FKBP5: variants seen among roughly 807,000 people sequenced by gnomAD.
The protein encoded by FKBP5 is FKBP prolyl isomerase 5, also known as peptidyl-prolyl cis-trans isomerase FKBP5.
FKBP5 carries 23 observed loss-of-function variants against 50.5 expected under a neutral mutation model. The observed-to-expected ratio is 0.46, with a 90% confidence interval of 0.33 to 0.65. The LOEUF (loss-of-function observed/expected upper bound fraction) is 0.65, where lower values mean the gene tolerates loss of function less well. FKBP5 is among the 30% of genes least tolerant of loss of function. The pLI, the probability that FKBP5 is intolerant of heterozygous loss-of-function variation, is 0.02. For synonymous variants in FKBP5, 176 were observed against 190.6 expected, an observed-to-expected ratio of 0.92 and a Z score of 0.63; for missense variants, 411 against 553.1, an observed-to-expected ratio of 0.74 and a Z score of 2.58.
intron 5 of FKBP5, 138 bp from the exon 6 acceptor site, chr6:35,597,542 G>T: frequency 9.7e-7 from 1 of 1,029,906 alleles, no homozygotes; most frequent in Non-Finnish European, 1.4e-6. Flanking sequence ...CACACAGTGT[G>T]TCTTGGTGAA....
At chr6:35,614,153 C>CA (rs1763576010) in intron 5 of FKBP5, among the ~76,000 whole-genome samples, 1 of 152,266 alleles carries the variant, frequency 6.6e-6, no homozygotes, top group East Asian at 1.9e-4. Flanking sequence ...CTCAGCCTCC[C>CA]AAAGTGCTGG....
chr6:35,696,110 A>G (rs1448937981), intron 2 of FKBP5, among the ~76,000 whole-genome samples: 3 of 144,330 alleles, frequency 2.1e-5, no homozygotes, highest in Admixed American at 1.5e-4. Flanking sequence ...GTGCCACTGC[A>G]CTCCAGCCTG....
At chr6:35,605,232 G>GATAT (rs35073668) in intron 5 of FKBP5, among the ~76,000 whole-genome samples, 28 of 151,176 alleles carry the variant, frequency 1.9e-4, no homozygotes, top group African/African-American at 6.3e-4. Context: ...ATCATTTAAA[G>GATAT]ATATATATAT....
chr6:35,618,341 C>T (rs1034842283), intron 5 of FKBP5, among the ~76,000 whole-genome samples: 1 of 152,136 alleles, frequency 6.6e-6, no homozygotes, highest in Non-Finnish European at 1.5e-5. Context: ...TTAATATTTA[C>T]TAAATAAAAT....
At chr6:35,616,548 G>C (rs1314227240) in intron 5 of FKBP5, among the ~76,000 whole-genome samples, 4 of 151,976 alleles carry the variant, frequency 2.6e-5, no homozygotes, top group African/African-American at 9.7e-5. Context: ...CGCTATACTA[G>C]TTTTGCAACT....
intron 3 of FKBP5, among the ~76,000 whole-genome samples, chr6:35,624,620 G>C (rs1763941202): frequency 6.6e-6 from 1 of 151,988 alleles, no homozygotes; most frequent in African/African-American, 2.4e-5. Context: ...TTCTAGCTTT[G>C]GTCTCACTCT....
rs182703072 is a variant in FKBP5, at chr6:35,629,411, T to C, written c.250+7603A>G. Reference sequence around the variant, plus strand: ...ATTTATGTTTAAGACTCTTTTAAAGTGTTCATATCTTATGTTACATTGTAT... The same window carrying C: ...ATTTATGTTTAAGACTCTTTTAAAGCGTTCATATCTTATGTTACATTGTAT... On this transcript the variant is annotated intron_variant, in intron 3 of 10. Coordinates refer to ENST00000357266, the MANE Select transcript of FKBP5 (RefSeq NM_004117.4). Among the ~76,000 whole-genome samples the C allele has an allele frequency of 5.2e-4, 79 of 152,318 alleles. 1 individual carries two copies. Among genetic ancestry groups the C allele is most frequent in the Admixed American group, 4.0e-3 (61 of 15,304 alleles).
intron 1 of FKBP5, among the ~76,000 whole-genome samples, chr6:35,681,955 G>A (rs778330209): frequency 3.5e-4 from 54 of 152,246 alleles, no homozygotes; most frequent in Non-Finnish European, 6.5e-4. Context: ...AAAGTTCATA[G>A]TGAAAGTAAA....
At chr6:35,652,069 T>G in intron 1 of FKBP5, 1 of 179,102 alleles carries the variant, frequency 5.6e-6, no homozygotes, top group South Asian at 9.0e-5. Flanking sequence ...CTTATGCCTG[T>G]CTTTACTGCA....
chr6:35,675,546 G>C (rs1765504660), intron 1 of FKBP5, among the ~76,000 whole-genome samples: 2 of 152,100 alleles, frequency 1.3e-5, no homozygotes, highest in African/African-American at 2.4e-5. Flanking sequence ...CTCCAGCCTG[G>C]GTGACAGAGA....
chr6:35,713,077 T>TAAAA (rs34258638), intron 2 of FKBP5, among the ~76,000 whole-genome samples: 20 of 52,988 alleles, frequency 3.8e-4, no homozygotes, highest in African/African-American at 1.1e-3. Context: ...ATCTGGTCTC[T>TAAAA]AAAAAAAAAA....
At chr6:35,645,474 C>T (rs535757460) in intron 1 of FKBP5, among the ~76,000 whole-genome samples, 7 of 152,126 alleles carry the variant, frequency 4.6e-5, no homozygotes, top group South Asian at 2.1e-4. Context: ...GAGGGAGAGA[C>T]GGGAGGTCTG....
At chr6:35,623,857 C>T (rs1763919473) in intron 3 of FKBP5, among the ~76,000 whole-genome samples, 1 of 151,882 alleles carries the variant, frequency 6.6e-6, no homozygotes. Flanking sequence ...GCTAGGACTA[C>T]AGGTGAATAC....
intron 1 of FKBP5, among the ~76,000 whole-genome samples, chr6:35,679,252 G>A (rs1232812143): frequency 6.6e-6 from 1 of 152,060 alleles, no homozygotes; most frequent in Non-Finnish European, 1.5e-5. Context: ...AGTCTAAAAA[G>A]GTCTACTTAC....
chr6:35,578,674 A>C (rs1289474922), intron 9 of FKBP5, among the ~76,000 whole-genome samples: 1 of 151,530 alleles, frequency 6.6e-6, no homozygotes, highest in African/African-American at 2.4e-5. Flanking sequence ...AGGCTGAGGC[A>C]GGAGAATCGC....
chr6:35,672,688 G>A (rs1765420486), intron 1 of FKBP5, among the ~76,000 whole-genome samples: 1 of 151,998 alleles, frequency 6.6e-6, no homozygotes, highest in South Asian at 2.1e-4. Context: ...CATTTTCGGA[G>A]GCTGAGGCGG....
At chr6:35,673,083 T>A (rs1409516899) in intron 1 of FKBP5, among the ~76,000 whole-genome samples, 1 of 151,964 alleles carries the variant, frequency 6.6e-6, no homozygotes, top group Non-Finnish European at 1.5e-5. Flanking sequence ...AGAGAAAAAA[T>A]TACCAGCCCT....
At chr6:35,618,875 T>C (rs1763737955) in intron 5 of FKBP5, among the ~76,000 whole-genome samples, 1 of 151,996 alleles carries the variant, frequency 6.6e-6, no homozygotes, top group Admixed American at 6.6e-5. Flanking sequence ...TTTGTATTTT[T>C]AGTAGAGATG....
intron 3 of FKBP5, among the ~76,000 whole-genome samples, chr6:35,621,515 G>A (rs1763838050): frequency 1.3e-5 from 2 of 151,858 alleles, no homozygotes; most frequent in African/African-American, 4.8e-5. Context: ...CTACTTAGGA[G>A]GCTGAGGCAG....
Sources: gnomAD v4.1 joint callset for allele counts (sites outside exome capture counted in the v4.1 genomes callset) on GRCh38, gnomAD v4.1.1 for gene constraint, MANE v1.5 for transcripts, NCBI Gene and HGNC (gene_info 2026-07-23, HGNC 2026-07-21) for gene names.